Variants in LARP1B observed in about 807,000 individuals in gnomAD.
LARP1B encodes la-related protein 1B.
LARP1B carries 76 observed loss-of-function variants against 114.2 expected under a neutral mutation model. The observed-to-expected ratio is 0.67, with a 90% confidence interval of 0.55 to 0.81. The LOEUF (loss-of-function observed/expected upper bound fraction) is 0.81, where lower values mean the gene tolerates loss of function less well. Ranked by LOEUF, LARP1B falls within the 30% of genes least tolerant of loss-of-function variation. The pLI is 0.00. For missense variants in LARP1B, 1,014 were observed against 1,075.8 expected (o/e 0.94, Z 0.80); for synonymous variants, 345 against 348.0 (o/e 0.99, Z 0.10).
intron 9 of LARP1B, among the ~76,000 whole-genome samples, chr4:128,109,879 T>G (rs1405011519): frequency 6.6e-6 from 1 of 152,106 alleles, no homozygotes; most frequent in Non-Finnish European, 1.5e-5. Flanking sequence ...TATATGGTGA[T>G]TTATCTTTGG....
chr4:128,157,891 A>G (rs1312251136), intron 11 of LARP1B, among the ~76,000 whole-genome samples: 2 of 152,146 alleles, frequency 1.3e-5, no homozygotes, highest in Non-Finnish European at 2.9e-5. Context: ...GGAATTTTTC[A>G]GGCAGAGGAC....
intron 11 of LARP1B, among the ~76,000 whole-genome samples, chr4:128,153,528 A>T (rs905182591): frequency 1.3e-5 from 2 of 151,714 alleles, no homozygotes; most frequent in Non-Finnish European, 2.9e-5. Context: ...CTGGCCTCGA[A>T]TTCCTGACCT....
At chr4:128,134,635 A>G (rs776920744) in intron 11 of LARP1B, among the ~76,000 whole-genome samples, 8 of 152,318 alleles carry the variant, frequency 5.3e-5, no homozygotes, top group Middle Eastern at 3.4e-3. Context: ...GTATGAAAGG[A>G]CACAGTTAAC....
At chr4:128,143,796 GGT>G (rs72408437) in intron 11 of LARP1B, among the ~76,000 whole-genome samples, 11 of 147,850 alleles carry the variant, frequency 7.4e-5, no homozygotes, top group South Asian at 4.4e-4. Flanking sequence ...TAAGGCACAG[GGT>G]GTGTGTGTGT....
At chr4:128,081,488 A>G (rs1304828168) in intron 4 of LARP1B, among the ~76,000 whole-genome samples, 1 of 147,910 alleles carries the variant, frequency 6.8e-6, no homozygotes, top group African/African-American at 2.5e-5. Context: ...TGTTACTTAT[A>G]TTAACATTGT....
At chr4:128,151,464 T>C (rs1732747726) in intron 11 of LARP1B, among the ~76,000 whole-genome samples, 1 of 152,226 alleles carries the variant, frequency 6.6e-6, no homozygotes, top group Admixed American at 6.5e-5. Context: ...AATTTTAATG[T>C]TCTTTCATTT....
At chr4:128,077,060 A>C (rs1768210500) in intron 3 of LARP1B, among the ~76,000 whole-genome samples, 1 of 152,144 alleles carries the variant, frequency 6.6e-6, no homozygotes, top group Admixed American at 6.6e-5. Context: ...GTTTCAAAAA[A>C]TATTTTAGCC....
At chr4:128,119,008 G>C (rs1053044526) in intron 10 of LARP1B, among the ~76,000 whole-genome samples, 4 of 151,618 alleles carry the variant, frequency 2.6e-5, no homozygotes, top group Non-Finnish European at 4.4e-5. Context: ...AGCCTCCCGA[G>C]TAGCTGGGAT....
At chr4:128,199,343 T>C in intron 15 of LARP1B, 96 bp from the exon 16 acceptor site, 1 of 954,370 alleles carries the variant, frequency 1.0e-6, no homozygotes, top group Non-Finnish European at 1.5e-6. Context: ...TTTCCACTGC[T>C]TAGACCCCCA....
chr4:128,159,930 G>T (rs77389145), intron 11 of LARP1B, among the ~76,000 whole-genome samples: 2,674 of 152,274 alleles, frequency 0.018, 64 homozygotes, highest in East Asian at 0.11. Flanking sequence ...ATAGGAATTT[G>T]TTTGTAATAG....
rs1758941797 is a variant in LARP1B, at chr4:128,211,270, C to T, written c.*1217C>T. The stretch of plus-strand genomic sequence containing the variant: ...AAACTTACATTCACTTTATTGAGCA[C>T]TACATAATTTACAGATATTTTGTTG... On this transcript the variant is annotated 3_prime_UTR_variant, in exon 20 of 20. Coordinates refer to ENST00000326639, the MANE Select transcript of LARP1B (RefSeq NM_018078.4). 1.0e-6 allele frequency: 1 copy of T among 954,618 alleles called. No homozygotes were observed. The highest frequency in any genetic ancestry group is 1.2e-6 in the Non-Finnish European group (1 of 801,992). The allele number at this position is 954,618 out of a possible 1,614,324, so 59.1% of individuals were successfully genotyped here. A position where few individuals can be genotyped will look rare whatever the true frequency, so the allele number is the denominator to read the frequency against.
rs190651844 is a variant in LARP1B at position 128,099,649 on chromosome 4, A to T, written c.813+1319A>T. On this transcript the variant is annotated intron_variant, in intron 8 of 19. Coordinates refer to ENST00000326639, the MANE Select transcript of LARP1B (RefSeq NM_018078.4). ...TTTATCCATTCACTTGTTGGTGGACATTCAGATTATTTATGGTTTTGGAGA... is the reference window on the plus strand; with the variant it reads ...TTTATCCATTCACTTGTTGGTGGACTTTCAGATTATTTATGGTTTTGGAGA... Among the ~76,000 whole-genome samples the T allele has an allele frequency of 3.1e-3, 476 of 152,110 alleles. 2 individuals are homozygous for T. The highest frequency in any genetic ancestry group is 5.3e-3 in the Non-Finnish European group (362 of 68,006).
intron 7 of LARP1B, 40 bp from the exon 8 acceptor site, chr4:128,098,146 C>T (rs768553183): frequency 1.4e-6 from 2 of 1,455,596 alleles, no homozygotes; most frequent in South Asian, 1.2e-5. Context: ...TATTTATTTC[C>T]TACTAAATAA....
intron 1 of LARP1B, 45 bp downstream of exon 1, chr4:128,061,446 C>G: frequency 6.4e-6 from 1 of 157,206 alleles, no homozygotes; most frequent in Non-Finnish European, 1.4e-5. Flanking sequence ...CGCGTGGTGG[C>G]GGGCTCGGGG....
At chr4:128,219,088 CTA>C (rs1457881322) in intron 6 of LARP1B, among the ~76,000 whole-genome samples, 8 of 150,136 alleles carry the variant, frequency 5.3e-5, no homozygotes, top group African/African-American at 2.0e-4. Flanking sequence ...ATCAAAACCA[CTA>C]TGAGATATCA....
At chr4:128,158,981 G>A (rs1044728806) in intron 11 of LARP1B, among the ~76,000 whole-genome samples, 2 of 151,252 alleles carry the variant, frequency 1.3e-5, no homozygotes, top group Non-Finnish European at 1.5e-5. Flanking sequence ...ACCAGTGTGG[G>A]CAACATAGTG....
chr4:128,120,677 C>A (rs913869428), intron 10 of LARP1B, among the ~76,000 whole-genome samples: 1 of 151,622 alleles, frequency 6.6e-6, no homozygotes. Flanking sequence ...ACCATGTTGG[C>A]CAGGCAGGTC....
At position 128,138,158 on chromosome 4, in the gene LARP1B, G is replaced by A. The variant is rs542240520; in HGVS notation, c.1524+15970G>A. 3.9e-5 allele frequency among the ~76,000 whole-genome samples: 6 copies of A among 152,042 alleles called. No individual in the cohort carries two copies. In the South Asian group the frequency reaches 8.3e-4, roughly 21 times the overall value. On this transcript the variant is annotated intron_variant, in intron 11 of 19. Coordinates refer to ENST00000326639, the MANE Select transcript of LARP1B (RefSeq NM_018078.4). ...CAGAATTTAATTAATTATATCTAAC[G>A]CACAATAGAGGATTAATCATATCAG...
chr4:128,071,182 G>C (rs1447693924), intron 1 of LARP1B, among the ~76,000 whole-genome samples: 1 of 151,772 alleles, frequency 6.6e-6, no homozygotes, highest in Non-Finnish European at 1.5e-5. Flanking sequence ...GAGTAGCTGG[G>C]ACTACAGGCG....
Sources: allele counts gnomAD v4.1 joint callset (sites outside exome capture counted in the v4.1 genomes callset), GRCh38; gene constraint gnomAD v4.1.1; transcripts MANE v1.5; gene names NCBI Gene and HGNC (gene_info 2026-07-23, HGNC 2026-07-21).